DOCK3: variants seen among roughly 807,000 people sequenced by gnomAD.
DOCK3 encodes the protein dedicator of cytokinesis 3.
Under a neutral mutation model 265.6 loss-of-function variants are expected in DOCK3, and 60 were observed. That is an observed-to-expected ratio of 0.23 (90% CI 0.18 to 0.28). The LOEUF is 0.28. Ranked by LOEUF, DOCK3 falls within the 10% of genes least tolerant of loss-of-function variation. The pLI is 1.00. For synonymous variants in DOCK3, 881 were observed against 938.0 expected (o/e 0.94, Z 1.11); for missense variants, 1,981 against 2,594.3 (o/e 0.76, Z 5.14).
intron 27 of DOCK3, among the ~76,000 whole-genome samples, chr3:51,284,844 A>C (rs1244296205): frequency 6.6e-6 from 1 of 152,056 alleles, no homozygotes; most frequent in Non-Finnish European, 1.5e-5. Flanking sequence ...CTCCTTAATA[A>C]CCTAATTCTG....
chr3:50,740,893 G>A (rs1255349452), intron 1 of DOCK3, among the ~76,000 whole-genome samples: 1 of 151,916 alleles, frequency 6.6e-6, no homozygotes, highest in Non-Finnish European at 1.5e-5. Context: ...GTGGTATTAA[G>A]TATATTCACA....
chr3:50,766,976 T>G (rs1362511143), intron 1 of DOCK3, among the ~76,000 whole-genome samples: 1 of 152,208 alleles, frequency 6.6e-6, no homozygotes, highest in Non-Finnish European at 1.5e-5. Context: ...GGTTTTTTTT[T>G]GTTGTAAATT....
intron 14 of DOCK3, among the ~76,000 whole-genome samples, chr3:51,223,262 TTATATAA>T (rs1220553111): frequency 6.6e-6 from 1 of 152,174 alleles, no homozygotes; most frequent in Non-Finnish European, 1.5e-5. Context: ...TATTAGTATT[TTATATAA>T]TATATAACTA....
At chr3:51,203,413 A>G (rs945958978) in intron 12 of DOCK3, among the ~76,000 whole-genome samples, 3 of 152,214 alleles carry the variant, frequency 2.0e-5, no homozygotes, top group Admixed American at 2.0e-4. Flanking sequence ...TCCCATTCAC[A>G]ATTGCTTCAA....
At chr3:51,218,620 C>A (rs1213918849) in intron 14 of DOCK3, among the ~76,000 whole-genome samples, 1 of 152,076 alleles carries the variant, frequency 6.6e-6, no homozygotes, top group Non-Finnish European at 1.5e-5. Flanking sequence ...TTGGGAAGTA[C>A]AATGTTTTAA....
At position 51,361,665 on chromosome 3, in the gene DOCK3, A is replaced by G. The variant is rs1027456285; in HGVS notation, c.5007-194A>G. Among the ~76,000 whole-genome samples, 1 of 152,110 alleles carries G rather than the reference A, an allele frequency of 6.6e-6. No individual in the cohort carries two copies. Among genetic ancestry groups the G allele is most frequent in the African/African-American group, 2.4e-5 (1 of 41,408 alleles). ...TGTACCACACCATTGTCTCTCCCAG[A>G]CCAAGGGCTCCTGAGTAGCAGGGTA... On this transcript the variant is annotated intron_variant, in intron 47 of 52. Transcript: ENST00000266037. The surrounding 1 kb of genome is among the most constrained non-coding windows in gnomAD (Gnocchi z 4.2).
At chr3:50,823,358 G>C (rs2044564462) in intron 2 of DOCK3, among the ~76,000 whole-genome samples, 1 of 152,066 alleles carries the variant, frequency 6.6e-6, no homozygotes, top group Admixed American at 6.6e-5. Context: ...ATTAGGGAGT[G>C]GTGATGACTC....
In DOCK3 at chr3:51,359,045, T is replaced by C. The variant is rs1560500309; in HGVS notation, c.4884+968T>C. ...TTCTCTTCTCATCACCCAGGACCAC[T>C]GGACAGAAGTGGCAGGGAGACAAGA... On this transcript the variant is annotated intron_variant, in intron 46 of 52. Transcript: ENST00000266037. This position sits in a 1 kb window ranked among gnomAD's most constrained non-coding sequence, Gnocchi z 4.8. Among the ~76,000 whole-genome samples the C allele has an allele frequency of 1.3e-5, 2 of 152,234 alleles. No individual in the cohort carries two copies.
intron 4 of DOCK3, among the ~76,000 whole-genome samples, chr3:50,919,589 T>C (rs2050321889): frequency 2.6e-5 from 4 of 152,156 alleles, no homozygotes; most frequent in African/African-American, 4.8e-5. Context: ...GTGATTTTTG[T>C]ACATTGATTT....
chr3:51,339,922 C>T (rs2085128838), intron 37 of DOCK3, among the ~76,000 whole-genome samples: 1 of 152,108 alleles, frequency 6.6e-6, no homozygotes, highest in South Asian at 2.1e-4. Context: ...TATCTCTAGC[C>T]GTTAGAGAGT....
chr3:50,812,811 T>C (rs1378596275), intron 2 of DOCK3, among the ~76,000 whole-genome samples: 1 of 152,218 alleles, frequency 6.6e-6, no homozygotes, highest in Non-Finnish European at 1.5e-5. Flanking sequence ...GGGCATCCTG[T>C]GGCCCCAGTC....
rs1282636128 is a variant in DOCK3 at position 50,799,855 on chromosome 3, T to C, written c.121+21097T>C. 3.9e-5 allele frequency among the ~76,000 whole-genome samples: 6 copies of C among 152,194 alleles called. No homozygotes were observed. In the East Asian group the frequency reaches 1.2e-3, roughly 29 times the overall value. On this transcript the variant is annotated intron_variant, in intron 2 of 52. Coordinates refer to ENST00000266037, the MANE Select transcript of DOCK3 (RefSeq NM_004947.5). Reference sequence around the variant, plus strand: ...GTGGGTTTGTTATATATGGCCTTTGTATATTGAGATGCTTTTTTTCTACAC... The same window carrying C: ...GTGGGTTTGTTATATATGGCCTTTGCATATTGAGATGCTTTTTTTCTACAC...
At chr3:50,954,500 A>G (rs774353691) in intron 5 of DOCK3, among the ~76,000 whole-genome samples, 1 of 152,174 alleles carries the variant, frequency 6.6e-6, no homozygotes, top group Non-Finnish European at 1.5e-5. Flanking sequence ...AATAATGAAA[A>G]TAAAGCCTTT....
At chr3:50,915,878 TAG>T (rs971896430) in intron 4 of DOCK3, among the ~76,000 whole-genome samples, 1 of 151,864 alleles carries the variant, frequency 6.6e-6, no homozygotes, top group African/African-American at 2.4e-5. Flanking sequence ...GAAGGTTAGG[TAG>T]AGTCGCCCCA....
intron 5 of DOCK3, among the ~76,000 whole-genome samples, chr3:51,039,693 C>T (rs1368403340): frequency 6.6e-6 from 1 of 151,644 alleles, no homozygotes; most frequent in Non-Finnish European, 1.5e-5. Flanking sequence ...GTAGCAATTC[C>T]TTATAATTTT....
chr3:51,145,059 A>G (rs1188890097), intron 9 of DOCK3, among the ~76,000 whole-genome samples: 14 of 152,212 alleles, frequency 9.2e-5, no homozygotes, highest in Non-Finnish European at 1.5e-5. Flanking sequence ...TTCTAGTCCA[A>G]TAATTGTAAT....
chr3:50,941,455 T>C (rs990551891), intron 5 of DOCK3, among the ~76,000 whole-genome samples: 3 of 152,122 alleles, frequency 2.0e-5, no homozygotes, highest in Admixed American at 6.5e-5. Context: ...CTCTCATACA[T>C]TGCTGGTTAG....
chr3:50,906,535 T>G (rs1205233712), intron 4 of DOCK3, among the ~76,000 whole-genome samples: 1 of 152,154 alleles, frequency 6.6e-6, no homozygotes, highest in Non-Finnish European at 1.5e-5. Context: ...TTCTAGATTT[T>G]CTAGTTTATT....
At chr3:50,772,054 A>G (rs1192809452) in intron 1 of DOCK3, among the ~76,000 whole-genome samples, 3 of 152,244 alleles carry the variant, frequency 2.0e-5, no homozygotes, top group African/African-American at 7.2e-5. Flanking sequence ...GCATCCATGA[A>G]CAGATGAATG....
Sources: allele counts gnomAD v4.1 joint callset (sites outside exome capture counted in the v4.1 genomes callset), GRCh38; gene constraint gnomAD v4.1.1; non-coding constraint Gnocchi (gnomAD v3.1); transcripts MANE v1.5; gene names NCBI Gene and HGNC (gene_info 2026-07-23, HGNC 2026-07-21).